The following PRKCE variants were observed in gnomAD, a reference collection of about 807,000 sequenced individuals.
The protein encoded by PRKCE is protein kinase C epsilon type.
In PRKCE, 16 loss-of-function variants were observed where a neutral mutation model predicts 85.4. That is an observed-to-expected ratio of 0.19 (90% CI 0.13 to 0.28). The LOEUF (loss-of-function observed/expected upper bound fraction) is 0.28, where lower values mean the gene tolerates loss of function less well. Among genes scored for constraint, PRKCE ranks in the 10% least tolerant of loss-of-function variants. The pLI is 1.00. For missense variants in PRKCE, 573 were observed against 975.2 expected (o/e 0.59, Z 5.49); for synonymous variants, 388 against 371.5 (o/e 1.04, Z -0.51).
chr2:46,153,891 A>G (rs575124596), intron 13 of PRKCE, among the ~76,000 whole-genome samples: 4 of 145,714 alleles, frequency 2.7e-5, no homozygotes, highest in Non-Finnish European at 5.9e-5. Context: ...GGTTCAAGAG[A>G]TTCTCCTGCC....
intron 1 of PRKCE, among the ~76,000 whole-genome samples, chr2:45,699,574 T>G (rs973449597): frequency 6.6e-6 from 1 of 152,156 alleles, no homozygotes; most frequent in South Asian, 2.1e-4. Flanking sequence ...CCATGCTGTG[T>G]GGGTCACTGT....
intron 2 of PRKCE, among the ~76,000 whole-genome samples, chr2:45,951,299 A>G (rs756418535): frequency 3.3e-5 from 5 of 152,214 alleles, no homozygotes; most frequent in Non-Finnish European, 5.9e-5. Flanking sequence ...TAAGGCTCTA[A>G]GGAGGAACCC....
At chr2:45,785,793 A>T (rs1487728030) in intron 1 of PRKCE, among the ~76,000 whole-genome samples, 1 of 152,166 alleles carries the variant, frequency 6.6e-6, no homozygotes, top group Non-Finnish European at 1.5e-5. Flanking sequence ...ACTGGAGACC[A>T]CTCAACCCAG....
chr2:46,122,391 C>T (rs188923609), intron 11 of PRKCE, among the ~76,000 whole-genome samples: 1 of 152,140 alleles, frequency 6.6e-6, no homozygotes, highest in Non-Finnish European at 1.5e-5. Context: ...CCACTATGCC[C>T]AGCTAATTTT....
At chr2:46,085,746 T>G (rs1210058261) in intron 10 of PRKCE, among the ~76,000 whole-genome samples, 3 of 25,406 alleles carry the variant, frequency 1.2e-4, no homozygotes, top group African/African-American at 3.0e-4. Flanking sequence ...GTTTTTTTTT[T>G]TTGTTTTTGT....
chr2:46,170,810 G>A (rs961033780), intron 14 of PRKCE, among the ~76,000 whole-genome samples: 2 of 152,310 alleles, frequency 1.3e-5, no homozygotes, highest in Non-Finnish European at 2.9e-5. Context: ...TTCACAGGCA[G>A]TGCAATAATA....
intron 1 of PRKCE, among the ~76,000 whole-genome samples, chr2:45,703,287 C>T (rs1572993653): frequency 6.6e-6 from 1 of 152,152 alleles, no homozygotes; most frequent in East Asian, 1.9e-4. Flanking sequence ...GTATTCCTAG[C>T]ACTTTGGGAG....
intron 10 of PRKCE, among the ~76,000 whole-genome samples, chr2:46,075,720 G>T (rs1350298058): frequency 6.6e-6 from 1 of 152,206 alleles, no homozygotes; most frequent in African/African-American, 2.4e-5. Flanking sequence ...CTGCACTCCA[G>T]CCTGGGCAAC....
At chr2:46,000,161 T>TC (rs1362615401) in intron 6 of PRKCE, among the ~76,000 whole-genome samples, 1 of 151,986 alleles carries the variant, frequency 6.6e-6, no homozygotes, top group Non-Finnish European at 1.5e-5. Flanking sequence ...TTTTTTTTTT[T>TC]CTTTGCCTTT....
At position 46,019,847 on chromosome 2, in the gene PRKCE, C is replaced by CTTTTT. The variant is rs869079304; in HGVS notation, c.1437+9347_1437+9351dup. 4.2e-4 allele frequency among the ~76,000 whole-genome samples: 45 copies of CTTTTT among 105,894 alleles called. 1 individual carries two copies. Among genetic ancestry groups the CTTTTT allele is most frequent in the African/African-American group, 1.5e-3 (38 of 25,700 alleles). 69.5% of individuals were successfully genotyped at this position (105,894 alleles called of 152,430 possible). On this transcript the variant is annotated intron_variant, in intron 10 of 14. Transcript: ENST00000306156. ...TTTCTTGTAAAGCTGTTGGTTTTCT[C>CTTTTT]TTTTTTTTTTTTTTTTTTTTTGAGA...
At chr2:45,866,646 G>C (rs180758899) in intron 2 of PRKCE, among the ~76,000 whole-genome samples, 1 of 152,214 alleles carries the variant, frequency 6.6e-6, no homozygotes, top group Non-Finnish European at 1.5e-5. Flanking sequence ...GGAAGCAGGC[G>C]ACGGTGTTAA....
chr2:46,149,633 A>G (rs991529679), intron 12 of PRKCE, among the ~76,000 whole-genome samples: 3 of 151,054 alleles, frequency 2.0e-5, no homozygotes, highest in African/African-American at 7.3e-5. Context: ...TGTAAAATAC[A>G]AAGCTCTATA....
At chr2:45,912,262 G>A (rs939861143) in intron 2 of PRKCE, among the ~76,000 whole-genome samples, 1 of 152,108 alleles carries the variant, frequency 6.6e-6, no homozygotes, top group East Asian at 1.9e-4. Flanking sequence ...TGAGATAAGG[G>A]GTCAATGTCC....
chr2:45,691,170 C>T (rs1189835075), intron 1 of PRKCE, among the ~76,000 whole-genome samples: 3 of 152,178 alleles, frequency 2.0e-5, no homozygotes, highest in Non-Finnish European at 2.9e-5. Context: ...CTGTGTCCGT[C>T]AGTGGGCTGG....
chr2:46,010,995 GGCA>G lies in PRKCE; in HGVS notation c.1437+482_1437+484del, dbSNP rs779454016. The G allele has an allele frequency of 9.3e-4, 1,239 of 1,338,900 alleles. 1 individual carries two copies. The highest frequency in any genetic ancestry group is 2.1e-3 in the African/African-American group (143 of 68,216). 82.9% of individuals were successfully genotyped at this position (1,338,900 alleles called of 1,614,324 possible). A position where few individuals can be genotyped will look rare whatever the true frequency, so the allele number is the denominator to read the frequency against. On this transcript the variant is annotated intron_variant, in intron 10 of 14. Coordinates refer to ENST00000306156, the MANE Select transcript of PRKCE (RefSeq NM_005400.3). ...ATTTCATAGTGAAACACAAATATAA[GGCA>G]GCATTTTTAATTTACCGCATAGGTG...
At chr2:45,714,346 A>T (rs530360070) in intron 1 of PRKCE, among the ~76,000 whole-genome samples, 1 of 152,364 alleles carries the variant, frequency 6.6e-6, no homozygotes, top group South Asian at 2.1e-4. Flanking sequence ...TGCAATAAAC[A>T]GGGACAATGA....
At chr2:46,030,630 C>A (rs1405246437) in intron 10 of PRKCE, among the ~76,000 whole-genome samples, 1 of 152,184 alleles carries the variant, frequency 6.6e-6, no homozygotes, top group Non-Finnish European at 1.5e-5. Context: ...AGATCTAAAG[C>A]TGCTACCTTC....
At chr2:45,790,745 A>G (rs1686969567) in intron 1 of PRKCE, among the ~76,000 whole-genome samples, 1 of 152,172 alleles carries the variant, frequency 6.6e-6, no homozygotes, top group African/African-American at 2.4e-5. Flanking sequence ...GAAGGGATGT[A>G]CTATGCTCTG....
intron 2 of PRKCE, among the ~76,000 whole-genome samples, chr2:45,848,415 A>T (rs1489879809): frequency 6.6e-6 from 1 of 151,944 alleles, no homozygotes; most frequent in East Asian, 1.9e-4. Flanking sequence ...GGTTCAAGTG[A>T]TTATCCTGCC....
Sources: allele counts gnomAD v4.1 joint callset (sites outside exome capture counted in the v4.1 genomes callset), GRCh38; gene constraint gnomAD v4.1.1; transcripts MANE v1.5; gene names NCBI Gene and HGNC (gene_info 2026-07-23, HGNC 2026-07-21).